MID1: variants seen among roughly 807,000 people sequenced by gnomAD.
The protein encoded by MID1 is E3 ubiquitin-protein ligase Midline-1.
Under a neutral mutation model 40.4 loss-of-function variants are expected in MID1, and 7 were observed. The observed-to-expected ratio is 0.17, with a 90% CI of 0.10 to 0.33. The LOEUF (loss-of-function observed/expected upper bound fraction) is 0.33, where lower values mean the gene tolerates loss of function less well. Among genes scored for constraint, MID1 ranks in the 10% least tolerant of loss-of-function variants. The pLI is 1.00. For missense variants in MID1, 367 were observed against 558.5 expected, an observed-to-expected ratio of 0.66 and a Z score of 3.46; for synonymous variants, 229 against 221.2, an observed-to-expected ratio of 1.04 and a Z score of -0.31.
At chrX:10,483,635 C>T (rs772701840) in intron 4 of MID1, among the ~76,000 whole-genome samples, 1 of 111,963 alleles carries the variant, frequency 8.9e-6, no homozygotes, top group South Asian at 3.7e-4. Context: ...GGAAAATAGC[C>T]CTGGGTGAAA....
At chrX:10,479,642 T>C (rs957508733) in intron 5 of MID1, among the ~76,000 whole-genome samples, 1 of 112,086 alleles carries the variant, frequency 8.9e-6, no homozygotes, top group African/African-American at 3.2e-5. Flanking sequence ...TGATCTGCAG[T>C]TCCATCCATG....
rs1928160660 is a variant in MID1, at chrX:10,448,978, TAACATACAA to T, written c.*381_*389del. ...ATGGGATATCAGGTAAGAAGATGAG[TAACATACAA>T]AACTACAAAAGTTTTTGTTTTTTTG... On this transcript the variant is annotated 3_prime_UTR_variant, in exon 10 of 10. Coordinates refer to ENST00000317552, the MANE Select transcript of MID1 (RefSeq NM_000381.4). 1 of 147,130 alleles carries T rather than the reference TAACATACAA, an allele frequency of 6.8e-6. No individual in the cohort carries two copies. Among genetic ancestry groups the T allele is most frequent in the African/African-American group, 3.1e-5 (1 of 31,749 alleles). 12.1% of individuals were successfully genotyped at this position (147,130 alleles called of 1,213,427 possible).
rs746695460 is a variant in MID1 at position 10,446,934 on chromosome X, C to T, written c.*2434G>A. On this transcript the variant is annotated 3_prime_UTR_variant, in exon 10 of 10. Transcript: ENST00000317552. ...GACCCCAAATAATAAAATACTGTGA[C>T]CTCAATCAGTTTAAAGAGAATGCAA... The T allele has an allele frequency of 5.4e-5, 6 of 111,752 alleles. No homozygotes were observed. Among genetic ancestry groups the T allele is most frequent in the East Asian group, 5.6e-4 (2 of 3,560 alleles). The allele number at this position is 111,752 out of a possible 1,213,427, so 9.2% of individuals were successfully genotyped here. A position where few individuals can be genotyped will look rare whatever the true frequency, so the allele number is the denominator to read the frequency against.
At chrX:10,689,212 A>T (rs2043117502) in intron 1 of MID1, among the ~76,000 whole-genome samples, 1 of 111,808 alleles carries the variant, frequency 8.9e-6, no homozygotes, top group Non-Finnish European at 1.9e-5. Context: ...ATTTACAAAG[A>T]AAAGAGGTTT....
intron 1 of MID1, among the ~76,000 whole-genome samples, chrX:10,796,655 A>G (rs1304243634): frequency 9.1e-6 from 1 of 110,453 alleles, no homozygotes; most frequent in Non-Finnish European, 1.9e-5. Context: ...TTGGCCAGAA[A>G]GAATATGCTT....
At chrX:10,625,209 A>G (rs1935983661), upstream of MID1, among the ~76,000 whole-genome samples, 1 of 111,699 alleles carries the variant, frequency 9.0e-6, no homozygotes, top group African/African-American at 3.3e-5. Flanking sequence ...CTTGAGGCAG[A>G]ATTTCTCCTT....
chrX:10,504,170 C>G (rs1931701602), intron 3 of MID1, among the ~76,000 whole-genome samples: 3 of 111,735 alleles, frequency 2.7e-5, no homozygotes, highest in African/African-American at 9.8e-5. Flanking sequence ...TTATTGCTTA[C>G]TAGTTGTATG....
intron 1 of MID1, among the ~76,000 whole-genome samples, chrX:10,749,544 A>G (rs2043584227): frequency 8.9e-6 from 1 of 112,274 alleles, no homozygotes; most frequent in African/African-American, 3.2e-5. Flanking sequence ...TTGCATTGCT[A>G]TAAAGAAATA....
At chrX:10,463,484 A>ACTT (rs751475235) in intron 7 of MID1, among the ~76,000 whole-genome samples, 3 of 112,520 alleles carry the variant, frequency 2.7e-5, no homozygotes, top group Non-Finnish European at 3.7e-5. Context: ...TGCAAAGGAT[A>ACTT]CTTCTCCAAA....
chrX:10,789,863 A>C (rs1483176564), intron 1 of MID1, among the ~76,000 whole-genome samples: 2 of 111,070 alleles, frequency 1.8e-5, no homozygotes, highest in African/African-American at 6.6e-5. Flanking sequence ...CCAGGATCAG[A>C]TTGCCTCCTG....
At chrX:10,677,305 C>T (rs962866461) in intron 1 of MID1, among the ~76,000 whole-genome samples, 1 of 111,860 alleles carries the variant, frequency 8.9e-6, no homozygotes, top group South Asian at 3.8e-4. Context: ...ACCTTATCTT[C>T]CCAGGACAGG....
intron 1 of MID1, among the ~76,000 whole-genome samples, chrX:10,791,732 C>T (rs1157572010): frequency 2.7e-5 from 3 of 111,075 alleles, no homozygotes; most frequent in Non-Finnish European, 5.7e-5. Context: ...AAGTAATTTA[C>T]CCACCATCAA....
At chrX:10,497,539 C>A (rs1931318483) in intron 3 of MID1, among the ~76,000 whole-genome samples, 1 of 111,552 alleles carries the variant, frequency 9.0e-6, no homozygotes, top group Non-Finnish European at 1.9e-5. Context: ...CTCCCTTACC[C>A]CTGATGTTTC....
At chrX:10,659,147 G>T (rs774896127) in intron 1 of MID1, among the ~76,000 whole-genome samples, 1 of 112,141 alleles carries the variant, frequency 8.9e-6, no homozygotes, top group East Asian at 2.8e-4. Flanking sequence ...ATGCTGATGT[G>T]TGTAAATAAT....
At chrX:10,641,866 A>C (rs1291293397) in intron 1 of MID1, among the ~76,000 whole-genome samples, 1 of 111,830 alleles carries the variant, frequency 8.9e-6, no homozygotes, top group East Asian at 2.8e-4. Flanking sequence ...TTCAACATAC[A>C]CAAATCAGTA....
At chrX:10,710,944 T>G (rs2043263167) in intron 1 of MID1, among the ~76,000 whole-genome samples, 1 of 111,708 alleles carries the variant, frequency 9.0e-6, no homozygotes, top group Non-Finnish European at 1.9e-5. Context: ...TCACCATAAC[T>G]GTGGGAGACA....
chrX:10,817,764 C>T (rs761872696), intron 1 of MID1, among the ~76,000 whole-genome samples: 2 of 108,499 alleles, frequency 1.8e-5, no homozygotes, highest in Non-Finnish European at 3.8e-5. Flanking sequence ...GGAATACAGG[C>T]GTGCGCCACC....
intron 1 of MID1, among the ~76,000 whole-genome samples, chrX:10,784,819 C>T (rs1244801377): frequency 6.3e-5 from 7 of 110,684 alleles, no homozygotes; most frequent in Admixed American, 2.9e-4. Context: ...ATTGATGGGA[C>T]GCATCTCAAA....
chrX:10,778,903 C>T (rs1490525086), intron 1 of MID1, among the ~76,000 whole-genome samples: 2 of 113,343 alleles, frequency 1.8e-5, no homozygotes, highest in African/African-American at 6.4e-5. Flanking sequence ...CAAGAGCAAA[C>T]AGAGAAATAA....
Sources: allele counts gnomAD v4.1 joint callset (sites outside exome capture counted in the v4.1 genomes callset), GRCh38; gene constraint gnomAD v4.1.1; transcripts MANE v1.5; gene names NCBI Gene and HGNC (gene_info 2026-07-23, HGNC 2026-07-21).